The following ZNF442 variants were observed in gnomAD, a reference collection of about 807,000 sequenced individuals.
ZNF442 encodes the protein zinc finger protein 442.
In ZNF442, 45 loss-of-function variants were observed where a neutral mutation model predicts 57.0. The observed-to-expected ratio is 0.79, with a 90% CI of 0.62 to 1.01. ZNF442 has a LOEUF of 1.01. Ranked by LOEUF, ZNF442 falls within the 50% of genes least tolerant of loss-of-function variation. The pLI, the probability that ZNF442 is intolerant of heterozygous loss-of-function variation, is 0.00. For synonymous variants in ZNF442, 213 were observed against 241.8 expected (o/e 0.88, Z 1.10); for missense variants, 690 against 756.5 (o/e 0.91, Z 1.03).
chr19:12,350,606 C>T lies in ZNF442; in HGVS notation c.979G>A (p.Gly327Arg), dbSNP rs778862303. The change falls in exon 6 of 6, where the codon GGG becomes AGG. Residue 327 changes from glycine (G) to arginine (R), a missense_variant. Gly to Arg is a moderately radical substitution (Grantham distance 125). Coordinates refer to ENST00000242804, the MANE Select transcript of ZNF442 (RefSeq NM_030824.3). ...GEKPYECKQC[G>R]KAFHHLGSFQ... is the part of the protein sequence containing the mutation. The stretch of plus-strand genomic sequence containing the variant: ...CTTCCCAGATGATGAAATGCTTTCC[C>T]GCATTGCTTGCATTCATAGGGTTTC... 1.9e-5 allele frequency: 30 copies of T among 1,613,480 alleles called. No homozygotes were observed. The highest frequency in any genetic ancestry group is 3.3e-5 in the Admixed American group (2 of 59,950).
At chr19:12,368,505 C>T (rs1428169114), upstream of ZNF442, among the ~76,000 whole-genome samples, 1 of 152,204 alleles carries the variant, frequency 6.6e-6, no homozygotes, top group Admixed American at 6.5e-5. Flanking sequence ...CCCTTAGTTC[C>T]CGCAACAGAC....
chr19:12,353,732 C>T (rs919952919), intron 3 of ZNF442, among the ~76,000 whole-genome samples: 6 of 152,144 alleles, frequency 3.9e-5, no homozygotes, highest in African/African-American at 1.4e-4. Context: ...GAAACTTAAT[C>T]CCCAATGTGA....
At chr19:12,353,248 C>T in intron 3 of ZNF442, 134 bp from the exon 4 acceptor site, 1 of 934,168 alleles carries the variant, frequency 1.1e-6, no homozygotes, top group Admixed American at 3.0e-5. Context: ...CCCTTATTCT[C>T]TGTCTACAAT....
Position 12,351,285 on chromosome 19 carries a change from GC to G in ZNF442, c.299del (p.Arg100ProfsTer7), listed in dbSNP as rs1434023214. ...CHIIERFSES[R>X]QPDSTVNEKP... ...TTTCATTCACAGTACTATCTGGCTGGCGACTTTCACTAAATCTCTCTATGAT... is the reference window on the plus strand; with the variant it reads ...TTTCATTCACAGTACTATCTGGCTGGGACTTTCACTAAATCTCTCTATGAT... On this transcript the variant is annotated frameshift_variant, in exon 6 of 6. Coordinates refer to ENST00000242804, the MANE Select transcript of ZNF442 (RefSeq NM_030824.3). LOFTEE classifies it high-confidence loss of function. The G allele has an allele frequency of 6.2e-7, 1 of 1,613,596 alleles. No homozygotes were observed. The highest frequency in any genetic ancestry group is 1.3e-5 in the African/African-American group (1 of 74,898).
At position 12,351,140 on chromosome 19, in the gene ZNF442, C is replaced by A; in HGVS notation, c.445G>T (p.Gly149Ter). 1 of 1,614,062 alleles carries A rather than the reference C, an allele frequency of 6.2e-7. No homozygotes were observed. The highest frequency in any genetic ancestry group is 8.5e-7 in the Non-Finnish European group (1 of 1,180,008). ...GHKPDECQEY[G>*]EKPHTHKQCG... ...TGTTTATGTGTATGTGGCTTCTCTC[C>A]ATATTCCTGACACTCATCTGGTTTG... Residue 149 changes from glycine (G) to a stop codon, truncating the protein, a stop_gained, in exon 6 of 6, where the codon GGA becomes TGA. Coordinates refer to ENST00000242804, the MANE Select transcript of ZNF442 (RefSeq NM_030824.3). LOFTEE classifies it high-confidence loss of function.
At chr19:12,361,681 T>G (rs1238121852) in intron 3 of ZNF442, among the ~76,000 whole-genome samples, 1 of 65,588 alleles carries the variant, frequency 1.5e-5, no homozygotes, top group Admixed American at 1.5e-4. Flanking sequence ...CCCCTCCCCC[T>G]CTGCCTCCCC....
At chr19:12,365,477 G>C in intron 1 of ZNF442, 56 bp downstream of exon 1, 1 of 446,626 alleles carries the variant, frequency 2.2e-6, no homozygotes, top group Non-Finnish European at 4.1e-6. Context: ...GCCGGTTCTG[G>C]CCGGTTCCAA....
chr19:12,356,443 C>T (rs530637102), intron 3 of ZNF442, among the ~76,000 whole-genome samples: 6 of 152,196 alleles, frequency 3.9e-5, no homozygotes, highest in African/African-American at 1.4e-4. Flanking sequence ...GCCTGAGCAA[C>T]ATGGCGAAAA....
At chr19:12,370,928 G>A in the ZNF442 span, among the ~76,000 whole-genome samples, 5 of 146,678 alleles carry the variant, frequency 3.4e-5, no homozygotes, top group South Asian at 2.1e-4. Context: ...AGCCAAGACC[G>A]CACCATTGCA....
chr19:12,358,529 C>A (rs1045653530), intron 3 of ZNF442, among the ~76,000 whole-genome samples: 1 of 152,176 alleles, frequency 6.6e-6, no homozygotes, highest in Admixed American at 6.5e-5. Context: ...GTACTGATTT[C>A]TTTTCCTTTG....
chr19:12,361,981 C>T (rs961056306), intron 3 of ZNF442, among the ~76,000 whole-genome samples: 17 of 152,234 alleles, frequency 1.1e-4, no homozygotes, highest in African/African-American at 3.9e-4. Flanking sequence ...CTCGGCCTCC[C>T]GAGGTGCAGG....
upstream of ZNF442, among the ~76,000 whole-genome samples, chr19:12,368,887 G>T (rs147807990): frequency 7.4e-3 from 1,131 of 152,176 alleles, 16 homozygotes; most frequent in African/African-American, 0.026. Context: ...AAGGATTTAG[G>T]GATGAGGGAG....
At chr19:12,355,481 C>T (rs1969313268) in intron 3 of ZNF442, among the ~76,000 whole-genome samples, 1 of 149,340 alleles carries the variant, frequency 6.7e-6, no homozygotes, top group African/African-American at 2.5e-5. Context: ...CCTGCCTCAG[C>T]CTCCCAAGTA....
intron 3 of ZNF442, among the ~76,000 whole-genome samples, chr19:12,363,158 CAAAAAAAAAAAAAA>C (rs886442784): frequency 9.7e-4 from 59 of 60,680 alleles, no homozygotes; most frequent in African/African-American, 3.5e-3. Flanking sequence ...AGCTCCGTCT[CAAAAAAAAAAAAAA>C]AAAAAAAAGG....
chr19:12,362,465 G>T (rs1278124074), intron 3 of ZNF442, among the ~76,000 whole-genome samples: 1 of 151,696 alleles, frequency 6.6e-6, no homozygotes, highest in Non-Finnish European at 1.5e-5. Context: ...TCTGTGAAGT[G>T]AGGAGCCCCT....
chr19:12,351,782 C>T (rs1263911902), intron 5 of ZNF442: 3 of 453,464 alleles, frequency 6.6e-6, no homozygotes, highest in South Asian at 3.3e-5. Flanking sequence ...GGATTACAGG[C>T]GTGAGCCACC....
chr19:12,353,109 T>G lies in ZNF442; in HGVS notation c.84A>C (p.Ser28=). ...TCACCGCCACATCCTCAAAGGCTAC[T>G]GAATCCTGAAACACCCCACATGTAC... ...QTNEERKQYD[S]VAFEDVAVNF... Residue 28 remains serine (S), a synonymous_variant, in exon 4 of 6, where the codon TCA becomes TCC. Transcript: ENST00000242804. 2 of 1,609,914 alleles carry G rather than the reference T, an allele frequency of 1.2e-6. No homozygotes were observed. The highest frequency in any genetic ancestry group is 1.1e-5 in the South Asian group (1 of 90,480).
intron 3 of ZNF442, among the ~76,000 whole-genome samples, chr19:12,354,746 T>C (rs866438829): frequency 6.6e-6 from 1 of 152,214 alleles, no homozygotes; most frequent in African/African-American, 2.4e-5. Flanking sequence ...AAAACATTTA[T>C]GATGATTCAT....
rs201653000 is a variant in ZNF442, at chr19:12,349,822, C to T, written c.1763G>A (p.Arg588Gln). 2.3e-5 allele frequency: 37 copies of T among 1,607,460 alleles called. No homozygotes were observed. Among genetic ancestry groups the T allele is most frequent in the Middle Eastern group, 1.7e-4 (1 of 6,042 alleles). ...TCCAGTGTGAGTTTTTTCATGTCCTCGAAGGAAACGAGAACGAGTGAAGGC... is the reference window on the plus strand; with the variant it reads ...TCCAGTGTGAGTTTTTTCATGTCCTTGAAGGAAACGAGAACGAGTGAAGGC... The part of the protein sequence containing the change: ...GKAFTRSRFL[R>Q]GHEKTHTGEK... Residue 588 changes from arginine to glutamine, a missense_variant, in exon 6 of 6, where the codon CGA becomes CAA. Coordinates refer to ENST00000242804, the MANE Select transcript of ZNF442 (RefSeq NM_030824.3).
Sources: gnomAD v4.1 joint callset for allele counts (sites outside exome capture counted in the v4.1 genomes callset) on GRCh38, gnomAD v4.1.1 for gene constraint, MANE v1.5 for transcripts, NCBI Gene and HGNC (gene_info 2026-07-23, HGNC 2026-07-21) for gene names.